The following CPNE1 variants were observed in gnomAD, a reference collection of about 807,000 sequenced individuals.
CPNE1 encodes the protein copine 1, also known as copine-1.
In CPNE1, 58 loss-of-function variants were observed where a neutral mutation model predicts 63.2. That is an observed-to-expected ratio of 0.92 (90% CI 0.74 to 1.14). The LOEUF (loss-of-function observed/expected upper bound fraction) is 1.14, where lower values mean the gene tolerates loss of function less well. Ranked by LOEUF, CPNE1 falls within the 50% of genes most tolerant of loss-of-function variation. The probability of loss-of-function intolerance (pLI) is 0.00; values close to 1 mark genes in which losing one functional copy is unlikely to be tolerated. For missense variants in CPNE1, 672 were observed against 661.7 expected (o/e 1.02, Z -0.17); for synonymous variants, 237 against 249.0 (o/e 0.95, Z 0.45).
chr20:35,639,297 T>C (rs1849877912), intron 1 of CPNE1, among the ~76,000 whole-genome samples: 1 of 152,148 alleles, frequency 6.6e-6, no homozygotes, highest in South Asian at 2.1e-4. Context: ...TTTTTTCAAC[T>C]TTGCTACATG....
chr20:35,661,058 AAATC>A (rs2034206468), intron 1 of CPNE1, among the ~76,000 whole-genome samples: 1 of 152,250 alleles, frequency 6.6e-6, no homozygotes, highest in African/African-American at 2.4e-5. Context: ...TTAAAGCACA[AAATC>A]AATCCAGATA....
intron 1 of CPNE1, chr20:35,652,874 CAGGGGCACTTCCAAGACCAGG>C: frequency 6.2e-7 from 1 of 1,613,136 alleles, no homozygotes. Context: ...CCCAAATGCC[CAGGGGCACTTCCAAGACCAGG>C]AGGGCCACTT....
chr20:35,654,037 C>A (rs749163172), intron 1 of CPNE1: 2 of 1,614,028 alleles, frequency 1.2e-6, no homozygotes, highest in African/African-American at 2.7e-5. Flanking sequence ...AACACAAAAA[C>A]CAGCCTCATG....
chr20:35,638,073 C>T (rs759521857), intron 1 of CPNE1, among the ~76,000 whole-genome samples: 6 of 152,172 alleles, frequency 3.9e-5, no homozygotes, highest in Non-Finnish European at 7.3e-5. Flanking sequence ...ATAATTTTTA[C>T]TTTTGTCTGT....
intron 1 of CPNE1, chr20:35,651,257 C>T (rs1208573230): frequency 2.0e-5 from 3 of 152,198 alleles, no homozygotes; most frequent in African/African-American, 7.2e-5. Context: ...ATGACAAGGA[C>T]ACTTACCAAC....
chr20:35,628,786 T>A lies in CPNE1; in HGVS notation c.1103-1373A>T, dbSNP rs114129838. On this transcript the variant is annotated intron_variant, in intron 13 of 15. Transcript: ENST00000397443. ...CAATTGGCAACATCTGAATAAATGC[T>A]ATAGGCTGGATAATAGCATAGATGT... Among the ~76,000 whole-genome samples the A allele has an allele frequency of 9.9e-3, 1,511 of 152,350 alleles. 28 individuals are homozygous for A. Among genetic ancestry groups the A allele is most frequent in the African/African-American group, 0.034 (1,434 of 41,572 alleles).
intron 13 of CPNE1, 132 bp downstream of exon 13, chr20:35,630,307 A>G (rs1429292573): frequency 1.5e-5 from 11 of 743,580 alleles, no homozygotes; most frequent in South Asian, 3.8e-5. Flanking sequence ...AAAATAAATT[A>G]AACTAAAATT....
At chr20:35,652,933 C>T (rs1300362627) in intron 1 of CPNE1, 1 of 1,613,712 alleles carries the variant, frequency 6.2e-7, no homozygotes, top group Non-Finnish European at 8.5e-7. Context: ...GCCTAAGCTA[C>T]CAGGGCCATT....
At position 35,627,302 on chromosome 20, in the gene CPNE1, G is replaced by A. The variant is rs1288000913; in HGVS notation, c.1214C>T (p.Ala405Val). The part of the protein sequence containing the change: ...INHVARFAAQ[A>V]AHQGTASQYF... ...CACCGAGGCAGTCCCCTGATGTGCA[G>A]CCTGGGCTGCAAACCTGGCCACATG... Residue 405 changes from alanine to valine, a missense_variant, in exon 14 of 16, where the codon GCT becomes GTT. Physicochemically the swap from Ala to Val is moderately conservative, Grantham distance 64 (BLOSUM62 0). Coordinates refer to ENST00000397443, the MANE Select transcript of CPNE1 (RefSeq NM_152925.3). 6.2e-7 allele frequency: 1 copy of A among 1,610,952 alleles called. No homozygotes were observed. Among genetic ancestry groups the A allele is most frequent in the South Asian group, 1.1e-5 (1 of 90,894 alleles).
chr20:35,640,198 G>A lies in CPNE1; in HGVS notation c.1-7275C>T, dbSNP rs558315334. 6.6e-5 allele frequency among the ~76,000 whole-genome samples: 10 copies of A among 152,082 alleles called. No homozygotes were observed. The South Asian group carries it at 2.1e-3, about 32-fold the overall frequency. ...TTCCTTTAAATGATCTATAAACCAC[G>A]GGATTATTAATCTCTTCCAAAACAT... On this transcript the variant is annotated intron_variant, in intron 1 of 15. Transcript: ENST00000397443.
chr20:35,639,423 G>A (rs12624717), intron 1 of CPNE1, among the ~76,000 whole-genome samples: 10,287 of 152,022 alleles, frequency 0.068, 427 homozygotes, highest in South Asian at 0.18. Context: ...AGTAACCTCC[G>A]CCTCCTGGGT....
At chr20:35,633,597 C>A (rs754618056) in intron 1 of CPNE1, among the ~76,000 whole-genome samples, 26 of 152,178 alleles carry the variant, frequency 1.7e-4, no homozygotes, top group Non-Finnish European at 3.5e-4. Context: ...GTCTCCACCT[C>A]CGTTCCCCCA....
chr20:35,626,856 C>A, intron 14 of CPNE1, 53 bp from the exon 15 acceptor site: 1 of 1,412,490 alleles, frequency 7.1e-7, no homozygotes, highest in Non-Finnish European at 1.0e-6. Flanking sequence ...TAAACCCCTG[C>A]AAACACCCCA....
chr20:35,637,210 C>G (rs1334153419), intron 1 of CPNE1, among the ~76,000 whole-genome samples: 3 of 152,018 alleles, frequency 2.0e-5, no homozygotes, highest in Non-Finnish European at 4.4e-5. Context: ...TGCTTGGTTT[C>G]TGTCCTAGCA....
At chr20:35,653,473 T>C (rs773632917) in intron 1 of CPNE1, 4 of 1,614,242 alleles carry the variant, frequency 2.5e-6, no homozygotes. Flanking sequence ...GGTAACTACA[T>C]GAACAAAAGC....
rs1448121100 is a variant in CPNE1, at chr20:35,631,699, T to G, written c.616A>C (p.Thr206Pro). 1 of 1,614,092 alleles carries G rather than the reference T, an allele frequency of 6.2e-7. No individual in the cohort carries two copies. Among genetic ancestry groups the G allele is most frequent in the South Asian group, 1.1e-5 (1 of 91,086 alleles). Residue 206 changes from threonine to proline, a missense_variant, in exon 7 of 16, where the codon ACA (threonine) becomes CCA (proline). Thr to Pro is a conservative substitution (Grantham distance 38). Coordinates refer to ENST00000397443, the MANE Select transcript of CPNE1 (RefSeq NM_152925.3). ...VQHFCGGNPSTPIQVQCSDYD... is the reference protein window; with the variant it reads ...VQHFCGGNPSPPIQVQCSDYD... ...GGCAAGCTCCTCACCTGGATGGGTG[T>G]GCTGGGGTTCCCACCACAGAAATGC... is the stretch of plus-strand genomic sequence containing the variant.
In CPNE1 at chr20:35,632,211, G is replaced by T. The variant is rs2032198552; in HGVS notation, c.408C>A (p.Asp136Glu). The T allele has an allele frequency of 3.7e-6, 6 of 1,613,918 alleles. No individual in the cohort carries two copies. In the Admixed American group the frequency reaches 1.0e-4, roughly 27 times the overall value. ...CTACCTCCATGGTTACTACACGATT[G>T]TCCTTTAATTCCTGAGCTGAGACCT... is the stretch of plus-strand genomic sequence containing the variant. ...TITVSAQELK[D>E]NRVVTMEVEA... The change falls in exon 5 of 16, where the codon GAC (aspartate) becomes GAA (glutamate). Residue 136 changes from aspartate to glutamate, a missense_variant. Transcript: ENST00000397443.
intron 1 of CPNE1, among the ~76,000 whole-genome samples, chr20:35,641,666 T>C (rs1248726712): frequency 6.6e-6 from 1 of 152,236 alleles, no homozygotes; most frequent in Non-Finnish European, 1.5e-5. Flanking sequence ...GCCTAGCTTA[T>C]ATATGCTCCC....
intron 1 of CPNE1, chr20:35,649,412 A>T (rs1413484166): frequency 6.6e-6 from 1 of 152,364 alleles, no homozygotes. Context: ...ACTTCCATAC[A>T]GTCCTAGATT....
Sources: gnomAD v4.1 joint callset for allele counts (sites outside exome capture counted in the v4.1 genomes callset) on GRCh38, gnomAD v4.1.1 for gene constraint, MANE v1.5 for transcripts, NCBI Gene and HGNC (gene_info 2026-07-23, HGNC 2026-07-21) for gene names.